Variants in PCDHGA2 observed in about 807,000 individuals in gnomAD.
The protein encoded by PCDHGA2 is protocadherin gamma-A2.
Under a neutral mutation model 59.2 loss-of-function variants are expected in PCDHGA2, and 40 were observed. The ratio of observed to expected loss-of-function variants is 0.68; its 90% confidence interval spans 0.52 to 0.88. The LOEUF (loss-of-function observed/expected upper bound fraction) is 0.88. PCDHGA2 is among the 40% of genes least tolerant of loss of function. PCDHGA2 has a pLI of 0.00. For missense variants in PCDHGA2, 1,226 were observed against 1,204.0 expected, an observed-to-expected ratio of 1.02 and a Z score of -0.27; for synonymous variants, 560 against 526.0, an observed-to-expected ratio of 1.06 and a Z score of -0.89.
intron 1 of PCDHGA2, chr5:141,344,447 G>A: frequency 6.2e-7 from 1 of 1,613,710 alleles, no homozygotes; most frequent in Non-Finnish European, 8.5e-7. Flanking sequence ...CAGAGGAATT[G>A]GAAATAAAAA....
chr5:141,389,379 C>G, intron 1 of PCDHGA2: 1 of 1,613,770 alleles, frequency 6.2e-7, no homozygotes, highest in Non-Finnish European at 8.5e-7. Context: ...GCAGCGGGAG[C>G]TGTCATCCTA....
chr5:141,505,803 C>A (rs920849273), intron 3 of PCDHGA2, among the ~76,000 whole-genome samples: 2 of 152,234 alleles, frequency 1.3e-5, no homozygotes, highest in African/African-American at 4.8e-5. Flanking sequence ...GGACTTGGAT[C>A]GACTTGCTCA....
At chr5:141,416,434 A>G (rs2096024040) in intron 1 of PCDHGA2, 1 of 152,222 alleles carries the variant, frequency 6.6e-6, no homozygotes, top group African/African-American at 2.4e-5. Context: ...CTAAGGCTGA[A>G]AGTAAATATG....
At chr5:141,371,684 A>T (rs756152313) in intron 1 of PCDHGA2, 3 of 1,614,050 alleles carry the variant, frequency 1.9e-6, no homozygotes, top group Non-Finnish European at 1.7e-6. Flanking sequence ...AAGGCAATCC[A>T]CCGCTCTCCT....
At chr5:141,360,251 A>G (rs1761497607) in intron 1 of PCDHGA2, 1 of 1,613,914 alleles carries the variant, frequency 6.2e-7, no homozygotes, top group Admixed American at 1.7e-5. Context: ...TCAATTCCAG[A>G]GGAGCTGGCC....
rs202187251 is a variant in PCDHGA2, at chr5:141,361,781, G to A, written c.2424+20386G>A. Reference sequence around the variant, plus strand: ...GCGCTCAGCGCCAACGTGAGCCTGCGCGTGTTAGTGGGCGACCTCAATGAC... The same window carrying A: ...GCGCTCAGCGCCAACGTGAGCCTGCACGTGTTAGTGGGCGACCTCAATGAC... On this transcript the variant is annotated intron_variant, in intron 1 of 3. Transcript: ENST00000394576. The A allele has an allele frequency of 3.1e-4, 505 of 1,613,104 alleles. No homozygotes were observed. Among genetic ancestry groups the A allele is most frequent in the Non-Finnish European group, 3.8e-4 (452 of 1,179,752 alleles).
In PCDHGA2 at chr5:141,505,414, C is replaced by T. The variant is rs373956550; in HGVS notation, c.2505C>T (p.Thr835=). The T allele has an allele frequency of 3.0e-5, 48 of 1,614,046 alleles. No homozygotes were observed. In the African/African-American group the frequency reaches 3.1e-4, roughly 10 times the overall value. The change falls in exon 3 of 4, where the codon ACC becomes ACT. Residue 835 remains threonine (T), a synonymous_variant. Transcript: ENST00000394576. ...CCAGCTCCCAAAATGGCGATGACACCGGCACCTGGCCCAACAACCAGTTTG... is the reference window on the plus strand; with the variant it reads ...CCAGCTCCCAAAATGGCGATGACACTGGCACCTGGCCCAACAACCAGTTTG... ...GTSGSQNGDD[T]GTWPNNQFDT...
chr5:141,360,433 C>T, intron 1 of PCDHGA2: 1 of 1,613,984 alleles, frequency 6.2e-7, no homozygotes, highest in Non-Finnish European at 8.5e-7. Context: ...CGGGAAGCAG[C>T]CTCTGTGTGT....
At chr5:141,348,460 G>C (rs953284866) in intron 1 of PCDHGA2, among the ~76,000 whole-genome samples, 1 of 152,264 alleles carries the variant, frequency 6.6e-6, no homozygotes, top group Non-Finnish European at 1.5e-5. Context: ...AATGTTTATA[G>C]TATTAGTATC....
At position 141,489,586 on chromosome 5, in the gene PCDHGA2, C is replaced by T; in HGVS notation, c.2425-5221C>T. 1 of 1,614,082 alleles carries T rather than the reference C, an allele frequency of 6.2e-7. No individual in the cohort carries two copies. The highest frequency in any genetic ancestry group is 8.5e-7 in the Non-Finnish European group (1 of 1,179,988). On this transcript the variant is annotated intron_variant, in intron 1 of 3. Coordinates refer to ENST00000394576, the MANE Select transcript of PCDHGA2 (RefSeq NM_018915.4). This position sits in a 1 kb window ranked among gnomAD's most constrained non-coding sequence, Gnocchi z 4.5. ...GGTGGTGACTGAACACCCCCTGGAG[C>T]TAATCCGTGTAGAGGTAGAGATCCT...
At chr5:141,372,612 C>G in intron 1 of PCDHGA2, 1 of 1,614,004 alleles carries the variant, frequency 6.2e-7, no homozygotes, top group Non-Finnish European at 8.5e-7. Flanking sequence ...ACCTGGAGTT[C>G]TCCCCACCTA....
At chr5:141,356,331 A>G in intron 1 of PCDHGA2, 1 of 1,554,420 alleles carries the variant, frequency 6.4e-7, no homozygotes, top group African/African-American at 1.4e-5. Context: ...GTGACTCAGG[A>G]GGAAATGGCC....
intron 1 of PCDHGA2, chr5:141,389,228 G>A (rs1172706843): frequency 2.5e-6 from 4 of 1,614,024 alleles, no homozygotes; most frequent in African/African-American, 2.7e-5. Context: ...ACAACGCTCC[G>A]GTTTTCTCAC....
intron 1 of PCDHGA2, chr5:141,385,554 T>C (rs2090283366): frequency 7.6e-7 from 1 of 1,314,354 alleles, no homozygotes; most frequent in Non-Finnish European, 9.7e-7. Context: ...TATCACATTT[T>C]ATAATTTCCA....
rs761492460 is a variant in PCDHGA2, at chr5:141,389,630, T to C, written c.2424+48235T>C. The C allele has an allele frequency of 9.9e-6, 16 of 1,612,872 alleles. No homozygotes were observed. The Admixed American group carries it at 1.8e-4, about 18-fold the overall frequency. ...ATATGGTGCCGCACGCTGCAGAGCC[T>C]GGCTACTTGGTGACCAAGGTAGTGG... On this transcript the variant is annotated intron_variant, in intron 1 of 3. Coordinates refer to ENST00000394576, the MANE Select transcript of PCDHGA2 (RefSeq NM_018915.4).
intron 1 of PCDHGA2, among the ~76,000 whole-genome samples, chr5:141,386,574 G>A (rs2090626331): frequency 6.6e-6 from 1 of 151,752 alleles, no homozygotes; most frequent in African/African-American, 2.4e-5. Flanking sequence ...GATAGACTCT[G>A]TACAATAGTG....
chr5:141,376,127 G>A (rs1331529697), intron 1 of PCDHGA2: 4 of 1,613,828 alleles, frequency 2.5e-6, no homozygotes, highest in East Asian at 2.2e-5. Flanking sequence ...CGAGCCCTCC[G>A]CCAAACCCAA....
In PCDHGA2 at chr5:141,511,281, G is replaced by A; in HGVS notation, c.*108G>A. The A allele has an allele frequency of 2.0e-6, 3 of 1,531,280 alleles. No homozygotes were observed. Among genetic ancestry groups the A allele is most frequent in the Non-Finnish European group, 2.6e-6 (3 of 1,137,132 alleles). 94.9% of individuals were successfully genotyped at this position (1,531,280 alleles called of 1,614,324 possible). ...TTCAGGGCTAACCCCCAGAATACTG[G>A]TAGGGGCCAAGGCCATGCTCCCCTT... On this transcript the variant is annotated 3_prime_UTR_variant, in exon 4 of 4. Transcript: ENST00000394576.
intron 1 of PCDHGA2, chr5:141,345,022 G>A (rs764710272): frequency 3.7e-6 from 6 of 1,613,906 alleles, no homozygotes; most frequent in Non-Finnish European, 5.1e-6. Context: ...CTTCTTTCAA[G>A]AGCCAAGATT....
Sources: gnomAD v4.1 joint callset for allele counts (sites outside exome capture counted in the v4.1 genomes callset) on GRCh38, gnomAD v4.1.1 for gene constraint, Gnocchi (gnomAD v3.1) non-coding constraint, MANE v1.5 for transcripts, NCBI Gene and HGNC (gene_info 2026-07-23, HGNC 2026-07-21) for gene names.